PPP2R3A: variants seen among roughly 807,000 people sequenced by gnomAD.
PPP2R3A encodes protein phosphatase 2 regulatory subunit B''alpha.
In PPP2R3A, 80 loss-of-function variants were observed where a neutral mutation model predicts 106.9. The observed-to-expected ratio is 0.75, with a 90% CI of 0.62 to 0.90. The LOEUF is 0.90. Among genes scored for constraint, PPP2R3A ranks in the 40% least tolerant of loss-of-function variants. PPP2R3A has a pLI of 0.00. For missense variants in PPP2R3A, 1,386 were observed against 1,350.4 expected (o/e 1.03, Z -0.41); for synonymous variants, 483 against 468.3 (o/e 1.03, Z -0.41).
chr3:136,098,269 T>C (rs944146869), intron 10 of PPP2R3A, among the ~76,000 whole-genome samples: 2 of 152,160 alleles, frequency 1.3e-5, no homozygotes, highest in South Asian at 2.1e-4. Flanking sequence ...TGAGCCATGA[T>C]TGCAGTACTG....
intron 13 of PPP2R3A, among the ~76,000 whole-genome samples, chr3:136,124,598 A>AG (rs1177263110): frequency 6.6e-6 from 1 of 152,130 alleles, no homozygotes; most frequent in Non-Finnish European, 1.5e-5. Context: ...ACCTTCAGCT[A>AG]GAAAAAAAAG....
intron 13 of PPP2R3A, among the ~76,000 whole-genome samples, chr3:136,129,194 CAA>C (rs375578671): frequency 1.4e-5 from 2 of 138,936 alleles, no homozygotes; most frequent in African/African-American, 5.3e-5. Context: ...GAGATAGAGA[CAA>C]AAAAAAAAAC....
intron 1 of PPP2R3A, among the ~76,000 whole-genome samples, chr3:135,984,583 A>G (rs1277280576): frequency 2.0e-5 from 3 of 152,002 alleles, no homozygotes; most frequent in African/African-American, 4.8e-5. Context: ...TCGCGATAGT[A>G]TGTCCTCACA....
intron 13 of PPP2R3A, among the ~76,000 whole-genome samples, chr3:136,131,322 A>G (rs1938406493): frequency 6.6e-6 from 1 of 152,238 alleles, no homozygotes; most frequent in Admixed American, 6.5e-5. Flanking sequence ...ATTTACAAGA[A>G]AAAAACAACC....
Position 136,061,001 on chromosome 3 carries a change from TTTTA to T in PPP2R3A, c.2470-9473_2470-9470del, listed in dbSNP as rs139572061. 2.5e-3 allele frequency among the ~76,000 whole-genome samples: 377 copies of T among 152,284 alleles called. 1 individual carries two copies. Among genetic ancestry groups the T allele is most frequent in the African/African-American group, 5.5e-3 (227 of 41,572 alleles). ...ACACTGTAAATGATAAATTGTACAA[TTTTA>T]TTTGTCAATTTAAATAAATGTAAAA... On this transcript the variant is annotated intron_variant, in intron 5 of 13. Transcript: ENST00000264977.
intron 13 of PPP2R3A, among the ~76,000 whole-genome samples, chr3:136,133,510 A>G (rs1482256270): frequency 6.6e-6 from 1 of 152,162 alleles, no homozygotes. Context: ...ACTCTCATAC[A>G]TTGGGCTGGT....
chr3:136,098,144 C>G (rs545268523), intron 10 of PPP2R3A, among the ~76,000 whole-genome samples: 1 of 152,292 alleles, frequency 6.6e-6, no homozygotes, highest in East Asian at 1.9e-4. Flanking sequence ...AAGACCTGAT[C>G]TCTACAAAAA....
At position 136,146,350 on chromosome 3, in the gene PPP2R3A, C is replaced by T. The variant is rs1371853131; in HGVS notation, c.*1184C>T. 1 of 152,134 alleles carries T rather than the reference C, an allele frequency of 6.6e-6. No homozygotes were observed. Among genetic ancestry groups the T allele is most frequent in the Non-Finnish European group, 1.5e-5 (1 of 68,024 alleles). 9.4% of individuals were successfully genotyped at this position (152,134 alleles called of 1,614,324 possible). A position where few individuals can be genotyped will look rare whatever the true frequency, so the allele number is the denominator to read the frequency against. On this transcript the variant is annotated 3_prime_UTR_variant, in exon 14 of 14. Coordinates refer to ENST00000264977, the MANE Select transcript of PPP2R3A (RefSeq NM_002718.5). Reference sequence around the variant, plus strand: ...GTAAAACCCCCAAGCAACTTAATATCCATCTGTCAGTCATCAACTTTTCCC... The same window carrying T: ...GTAAAACCCCCAAGCAACTTAATATTCATCTGTCAGTCATCAACTTTTCCC...
chr3:136,022,663 A>G, intron 2 of PPP2R3A: 1 of 679,000 alleles, frequency 1.5e-6, no homozygotes, highest in Non-Finnish European at 1.8e-6. Context: ...AGTTAGCATT[A>G]TCTGAGAAGG....
chr3:135,969,330 A>T (rs1218992422), intron 1 of PPP2R3A, among the ~76,000 whole-genome samples: 1 of 152,070 alleles, frequency 6.6e-6, no homozygotes, highest in East Asian at 1.9e-4. Context: ...TATTCATGAG[A>T]TATATTTAGG....
At position 136,145,764 on chromosome 3, in the gene PPP2R3A, T is replaced by G. The variant is rs1939095057; in HGVS notation, c.*598T>G. On this transcript the variant is annotated 3_prime_UTR_variant, in exon 14 of 14. Coordinates refer to ENST00000264977, the MANE Select transcript of PPP2R3A (RefSeq NM_002718.5). ...CTACTAGTCACTTTACATCCTCAGG[T>G]ATTGTAACCACTGGGCCTTCCAACT... is the stretch of plus-strand genomic sequence containing the variant. The G allele has an allele frequency of 1.3e-5, 2 of 152,742 alleles. No individual in the cohort carries two copies. The highest frequency in any genetic ancestry group is 2.9e-5 in the Non-Finnish European group (2 of 68,032). The allele number at this position is 152,742 out of a possible 1,614,324, so 9.5% of individuals were successfully genotyped here.
chr3:135,977,955 C>G (rs1242713167), intron 1 of PPP2R3A, among the ~76,000 whole-genome samples: 3 of 151,866 alleles, frequency 2.0e-5, no homozygotes, highest in African/African-American at 7.3e-5. Context: ...CCTGCCTCAG[C>G]CTCCCAAAGT....
At chr3:136,016,859 T>C (rs1934287267) in intron 2 of PPP2R3A, among the ~76,000 whole-genome samples, 1 of 152,162 alleles carries the variant, frequency 6.6e-6, no homozygotes, top group Non-Finnish European at 1.5e-5. Context: ...ATCATATTAG[T>C]TGTTGCCTGA....
intron 13 of PPP2R3A, among the ~76,000 whole-genome samples, chr3:136,117,978 T>G (rs1190634457): frequency 2.6e-5 from 4 of 152,156 alleles, no homozygotes; most frequent in African/African-American, 9.7e-5. Flanking sequence ...AAATCCTCAA[T>G]AAAATACTGG....
intron 7 of PPP2R3A, among the ~76,000 whole-genome samples, chr3:136,081,828 T>C (rs1377865420): frequency 6.6e-6 from 1 of 152,226 alleles, no homozygotes; most frequent in African/African-American, 2.4e-5. Flanking sequence ...ACCTTTGTGA[T>C]ATAAACTTAA....
At chr3:136,105,547 C>G (rs1937494035) in intron 12 of PPP2R3A, among the ~76,000 whole-genome samples, 1 of 152,170 alleles carries the variant, frequency 6.6e-6, no homozygotes, top group Non-Finnish European at 1.5e-5. Flanking sequence ...GTCTCAGCTA[C>G]TCAGTAGGCT....
intron 8 of PPP2R3A, among the ~76,000 whole-genome samples, chr3:136,083,493 G>A (rs1266221057): frequency 6.6e-6 from 1 of 152,100 alleles, no homozygotes; most frequent in Admixed American, 6.5e-5. Context: ...GGAACTATGA[G>A]TCCATTAAAC....
chr3:136,136,074 T>TATATATATATATATATATATATA (rs1491542071), intron 13 of PPP2R3A, among the ~76,000 whole-genome samples: 3 of 30,358 alleles, frequency 9.9e-5, no homozygotes, highest in African/African-American at 1.4e-4. Context: ...AAAAAAAAAA[T>TATATATATATATATATATATATA]TATATATATA....
chr3:136,147,605 A>C lies in PPP2R3A; in HGVS notation c.*2439A>C, dbSNP rs765569214. ...ACTGCCAAACTGGAATTTTCAAGTT[A>C]TTATAATATCCCAGGCCCCTTGATA... On this transcript the variant is annotated 3_prime_UTR_variant, in exon 14 of 14. Transcript: ENST00000264977. The C allele has an allele frequency of 6.6e-6, 1 of 152,664 alleles. No homozygotes were observed. The highest frequency in any genetic ancestry group is 2.1e-4 in the South Asian group (1 of 4,828). 9.5% of individuals were successfully genotyped at this position (152,664 alleles called of 1,614,324 possible).
Sources: allele counts gnomAD v4.1 joint callset (sites outside exome capture counted in the v4.1 genomes callset), GRCh38; gene constraint gnomAD v4.1.1; transcripts MANE v1.5; gene names NCBI Gene and HGNC (gene_info 2026-07-23, HGNC 2026-07-21).